ESRRG: variants seen among roughly 807,000 people sequenced by gnomAD.
The protein encoded by ESRRG is estrogen related receptor gamma, also known as estrogen-related receptor gamma.
ESRRG carries 13 observed loss-of-function variants against 44.0 expected under a neutral mutation model. The ratio of observed to expected loss-of-function variants is 0.30; its 90% CI spans 0.19 to 0.47. The LOEUF (loss-of-function observed/expected upper bound fraction) is 0.47, where lower values mean the gene tolerates loss of function less well. ESRRG is among the 20% of genes least tolerant of loss of function. The pLI is 1.00. For missense variants in ESRRG, 395 were observed against 580.6 expected, an observed-to-expected ratio of 0.68 and a Z score of 3.29; for synonymous variants, 215 against 214.6, an observed-to-expected ratio of 1.00 and a Z score of -0.02.
intron 1 of ESRRG, among the ~76,000 whole-genome samples, chr1:216,964,498 C>A (rs935355696): frequency 6.6e-6 from 1 of 152,084 alleles, no homozygotes; most frequent in Non-Finnish European, 1.5e-5. Flanking sequence ...CTGATGATGG[C>A]TCTGGGGAGT....
At chr1:216,545,220 T>A (rs549336755) in intron 5 of ESRRG, among the ~76,000 whole-genome samples, 67 of 147,992 alleles carry the variant, frequency 4.5e-4, no homozygotes, top group Admixed American at 8.9e-4. Context: ...GCTAATTTTT[T>A]AATTTTTATG....
chr1:216,622,757 G>A (rs765626313), intron 3 of ESRRG, among the ~76,000 whole-genome samples: 3 of 152,018 alleles, frequency 2.0e-5, no homozygotes, highest in African/African-American at 4.8e-5. Context: ...ATTTAGATGC[G>A]TATCAACCAC....
chr1:217,075,304 G>T (rs1377862716), intron 1 of ESRRG, among the ~76,000 whole-genome samples: 1 of 152,124 alleles, frequency 6.6e-6, no homozygotes, highest in Non-Finnish European at 1.5e-5. Context: ...GCCAACATTG[G>T]TATACATTAT....
intron 3 of ESRRG, among the ~76,000 whole-genome samples, chr1:216,646,522 G>A (rs1296341175): frequency 6.6e-6 from 1 of 152,132 alleles, no homozygotes; most frequent in Admixed American, 6.5e-5. Context: ...AAGTCTCAGA[G>A]GTGGTAGAAC....
intron 2 of ESRRG, among the ~76,000 whole-genome samples, chr1:216,844,888 A>G (rs747606031): frequency 6.6e-6 from 1 of 152,168 alleles, no homozygotes; most frequent in Non-Finnish European, 1.5e-5. Context: ...ACCAGAACAC[A>G]AGTAACCAGA....
chr1:216,560,065 C>A (rs1206626783), intron 5 of ESRRG, among the ~76,000 whole-genome samples: 1 of 152,050 alleles, frequency 6.6e-6, no homozygotes, highest in East Asian at 1.9e-4. Flanking sequence ...TGTTTCAGGG[C>A]AAATAGTAAA....
At chr1:216,706,420 C>A (rs968193063) in intron 1 of ESRRG, among the ~76,000 whole-genome samples, 1 of 152,104 alleles carries the variant, frequency 6.6e-6, no homozygotes, top group African/African-American at 2.4e-5. Context: ...ATGTTTACAG[C>A]CTTTTGATGT....
chr1:216,751,117 T>C (rs982703027), intron 2 of ESRRG, among the ~76,000 whole-genome samples: 7 of 152,188 alleles, frequency 4.6e-5, no homozygotes, highest in African/African-American at 1.2e-4. Context: ...GCATGCCAGA[T>C]TGAAAATGTA....
intron 1 of ESRRG, among the ~76,000 whole-genome samples, chr1:216,709,395 C>A (rs1239055514): frequency 6.8e-6 from 1 of 146,748 alleles, no homozygotes; most frequent in Non-Finnish European, 1.5e-5. Context: ...TTGTTATTTT[C>A]TTATTTCAGA....
intron 3 of ESRRG, among the ~76,000 whole-genome samples, chr1:216,616,989 G>A (rs1180927280): frequency 6.6e-6 from 1 of 152,134 alleles, no homozygotes; most frequent in African/African-American, 2.4e-5. Flanking sequence ...AAGACTCAGT[G>A]TATGTAGAGA....
At chr1:217,051,059 G>A (rs769254630) in intron 1 of ESRRG, among the ~76,000 whole-genome samples, 7 of 151,978 alleles carry the variant, frequency 4.6e-5, no homozygotes, top group Admixed American at 1.3e-4. Flanking sequence ...AAAAGAAATC[G>A]GGAAGAAAGG....
chr1:217,038,603 G>A (rs2083317295), intron 1 of ESRRG, among the ~76,000 whole-genome samples: 1 of 152,186 alleles, frequency 6.6e-6, no homozygotes, highest in South Asian at 2.1e-4. Flanking sequence ...TGGAACACAG[G>A]GTACCAAGTC....
intron 1 of ESRRG, among the ~76,000 whole-genome samples, chr1:216,693,625 T>C (rs1257995232): frequency 6.6e-6 from 1 of 152,212 alleles, no homozygotes; most frequent in Non-Finnish European, 1.5e-5. Flanking sequence ...TAATACAACG[T>C]AAATGCTACG....
chr1:216,923,727 C>A (rs2062136020), intron 2 of ESRRG, among the ~76,000 whole-genome samples: 1 of 152,316 alleles, frequency 6.6e-6, no homozygotes, highest in South Asian at 2.1e-4. Context: ...ACTCCTACAA[C>A]CACACTGCTG....
At chr1:216,989,583 GGATGTACAT>G (rs1434226089) in intron 1 of ESRRG, among the ~76,000 whole-genome samples, 1 of 152,126 alleles carries the variant, frequency 6.6e-6, no homozygotes, top group East Asian at 1.9e-4. Flanking sequence ...TTGATAGCAT[GGATGTACAT>G]GTGTGTATTT....
At chr1:217,111,278 C>G (rs749800537) in intron 1 of ESRRG, among the ~76,000 whole-genome samples, 1 of 152,142 alleles carries the variant, frequency 6.6e-6, no homozygotes, top group Non-Finnish European at 1.5e-5. Context: ...CACCACACCT[C>G]TCTCACACAT....
chr1:216,507,508 T>A (rs1214950244), intron 6 of ESRRG, among the ~76,000 whole-genome samples: 1 of 152,206 alleles, frequency 6.6e-6, no homozygotes, highest in Non-Finnish European at 1.5e-5. Flanking sequence ...CTCATCCAGG[T>A]ATATATTCAT....
intron 2 of ESRRG, among the ~76,000 whole-genome samples, chr1:216,730,403 C>A (rs2088534164): frequency 6.6e-6 from 1 of 151,616 alleles, no homozygotes; most frequent in East Asian, 1.9e-4. Context: ...TAAATTCTGT[C>A]TTCTCCCCAG....
intron 6 of ESRRG, among the ~76,000 whole-genome samples, chr1:216,512,453 C>T (rs1345540717): frequency 6.6e-6 from 1 of 152,062 alleles, no homozygotes; most frequent in Admixed American, 6.6e-5. Context: ...CTTAAAAATT[C>T]ATCCATAATT....
Sources: gnomAD v4.1 joint callset for allele counts (sites outside exome capture counted in the v4.1 genomes callset) on GRCh38, gnomAD v4.1.1 for gene constraint, MANE v1.5 for transcripts, NCBI Gene and HGNC (gene_info 2026-07-23, HGNC 2026-07-21) for gene names.